Variants in SEC23B observed in about 807,000 individuals in gnomAD.
SEC23B encodes the protein protein transport protein Sec23B.
Under a neutral mutation model 104.3 loss-of-function variants are expected in SEC23B, and 77 were observed. The observed-to-expected ratio is 0.74, with a 90% confidence interval of 0.61 to 0.89. The LOEUF (loss-of-function observed/expected upper bound fraction) is 0.89. SEC23B is among the 40% of genes least tolerant of loss of function. The pLI, the probability that SEC23B is intolerant of heterozygous loss-of-function variation, is 0.00. For synonymous variants in SEC23B, 338 were observed against 332.5 expected (o/e 1.02, Z -0.18); for missense variants, 885 against 949.4 (o/e 0.93, Z 0.89).
Position 18,542,363 on chromosome 20 carries a change from G to A in SEC23B, c.1472G>A (p.Ser491Asn), listed in dbSNP as rs751980373. The A allele has an allele frequency of 5.6e-6, 9 of 1,614,102 alleles. No homozygotes were observed. In the South Asian group the frequency reaches 9.9e-5, roughly 18 times the overall value. The part of the protein sequence containing the change: ...IQFVTHYQHS[S>N]TQRRIRVTTI... ...TTTGTCACGCATTATCAGCACTCCAGCACCCAGAGACGCATCCGCGTGACC... is the reference window on the plus strand; with the variant it reads ...TTTGTCACGCATTATCAGCACTCCAACACCCAGAGACGCATCCGCGTGACC... Residue 491 changes from serine (S) to asparagine (N), a missense_variant, in exon 13 of 20, where the codon AGC becomes AAC. By Grantham distance (46) the Ser-to-Asn change is conservative. Transcript: ENST00000650089.
chr20:18,557,745 C>CTTTTTTTTTT (rs11477198), intron 19 of SEC23B, among the ~76,000 whole-genome samples: 61 of 116,798 alleles, frequency 5.2e-4, no homozygotes, highest in African/African-American at 8.4e-4. Context: ...TTTTTCTTTT[C>CTTTTTTTTTT]TTTTTTTTTT....
intron 10 of SEC23B, 119 bp downstream of exon 10, chr20:18,530,922 C>A: frequency 1.3e-6 from 1 of 742,486 alleles, no homozygotes; most frequent in Non-Finnish European, 2.3e-6. Context: ...GATTATGAGG[C>A]ATGAGCCACT....
chr20:18,537,545 A>G (rs929307674), intron 12 of SEC23B, among the ~76,000 whole-genome samples: 1 of 151,930 alleles, frequency 6.6e-6, no homozygotes, highest in Admixed American at 6.6e-5. Flanking sequence ...TTGAGAACAC[A>G]TGGACACAGG....
In SEC23B at chr20:18,561,182, C is replaced by T. The variant is rs914079944; in HGVS notation, c.*442C>T. On this transcript the variant is annotated 3_prime_UTR_variant, in exon 20 of 20. Coordinates refer to ENST00000650089, the MANE Select transcript of SEC23B (RefSeq NM_006363.6). ...CTTCCTTAAGAGGTGTTTCCTGAAC[C>T]TAATTCTCATAATTAAAGTAATGTA... 5 of 213,838 alleles carry T rather than the reference C, an allele frequency of 2.3e-5. No homozygotes were observed. The highest frequency in any genetic ancestry group is 1.4e-4 in the South Asian group (2 of 14,436). 13.2% of individuals were successfully genotyped at this position (213,838 alleles called of 1,614,324 possible). A position where few individuals can be genotyped will look rare whatever the true frequency, so the allele number is the denominator to read the frequency against.
chr20:18,516,189 T>C (rs1473966050), intron 4 of SEC23B, among the ~76,000 whole-genome samples: 1 of 150,758 alleles, frequency 6.6e-6, no homozygotes, highest in East Asian at 1.9e-4. Context: ...CTAATTGTTC[T>C]CCCTGATGTT....
intron 19 of SEC23B, among the ~76,000 whole-genome samples, chr20:18,560,119 TA>T (rs2060478423): frequency 2.0e-5 from 3 of 151,950 alleles, no homozygotes; most frequent in Admixed American, 6.6e-5. Context: ...TATATATATA[TA>T]TATTTTTAAT....
intron 12 of SEC23B, among the ~76,000 whole-genome samples, chr20:18,541,728 G>A (rs2060289502): frequency 6.6e-6 from 1 of 152,184 alleles, no homozygotes; most frequent in East Asian, 1.9e-4. Flanking sequence ...AAAGATCACT[G>A]ATCACAGATC....
chr20:18,542,540 A>T (rs2122124181), intron 13 of SEC23B, 138 bp downstream of exon 13: 1 of 901,250 alleles, frequency 1.1e-6, no homozygotes, highest in East Asian at 2.6e-5. Context: ...ATTTGATCAG[A>T]GGAGGAGGCA....
Position 18,525,910 on chromosome 20 carries a change from C to A in SEC23B, c.812C>A (p.Ser271Tyr), listed in dbSNP as rs748164368. ...TTGCGATCCACTGGTGTGGCTTTGT[C>A]CATTGCTGTTGGCTTGCTGGAGGTA... ...RPLRSTGVAL[S>Y]IAVGLLEGTF... The change falls in exon 7 of 20, where the codon TCC (serine) becomes TAC (tyrosine). Residue 271 changes from serine (S) to tyrosine (Y), a missense_variant. Transcript: ENST00000650089. The A allele has an allele frequency of 6.2e-7, 1 of 1,614,204 alleles. No individual in the cohort carries two copies. The highest frequency in any genetic ancestry group is 8.5e-7 in the Non-Finnish European group (1 of 1,180,034).
Position 18,510,835 on chromosome 20 carries a change from T to G in SEC23B, c.-1T>G. The G allele has an allele frequency of 3.1e-6, 5 of 1,613,562 alleles. No homozygotes were observed. In the South Asian group the frequency reaches 5.5e-5, roughly 18 times the overall value. On this transcript the variant is annotated 5_prime_UTR_variant, in exon 2 of 20. Transcript: ENST00000650089. ...TTTTATCTTCAGTTCCCTTTTAGAC[T>G]ATGGCGACATACCTGGAGTTCATCC...
intron 3 of SEC23B, 138 bp downstream of exon 3, chr20:18,512,420 A>G (rs1414856571): frequency 1.6e-6 from 1 of 620,094 alleles, no homozygotes; most frequent in Non-Finnish European, 2.9e-6. Flanking sequence ...TTTGTTAAGC[A>G]CAATATTGAA....
intron 10 of SEC23B, 82 bp downstream of exon 10, chr20:18,530,885 T>TA: frequency 8.5e-7 from 1 of 1,170,946 alleles, no homozygotes; most frequent in Non-Finnish European, 1.3e-6. Flanking sequence ...CAGGCAATTT[T>TA]CCCGCCTCAG....
rs186270162 is a variant in SEC23B at position 18,539,120 on chromosome 20, G to A, written c.1405-3176G>A. 1.7e-3 allele frequency among the ~76,000 whole-genome samples: 255 copies of A among 151,824 alleles called. 6 individuals are homozygous for A. In the East Asian group the frequency reaches 0.042, roughly 25 times the overall value. On this transcript the variant is annotated intron_variant, in intron 12 of 19. Transcript: ENST00000650089. ...CCCAGCTACTCAGGAGGCTGAGGCA[G>A]GAGAATTGCTTAAACCAAGTGATGG... is the stretch of plus-strand genomic sequence containing the variant.
rs80176069 is a variant in SEC23B at position 18,556,374 on chromosome 20, A to T, written c.2214+1201A>T. Among the ~76,000 whole-genome samples, 715 of 152,304 alleles carry T rather than the reference A, an allele frequency of 4.7e-3. 4 individuals are homozygous for T. Among genetic ancestry groups the T allele is most frequent in the African/African-American group, 0.017 (686 of 41,554 alleles). ...ATTTGGGGATCCACAGGAGGTCCTA[A>T]AACCATTCCCCCACAGATACTGAGG... On this transcript the variant is annotated intron_variant, in intron 19 of 19. Transcript: ENST00000650089.
intron 3 of SEC23B, 88 bp from the exon 4 acceptor site, chr20:18,515,562 C>T: frequency 1.3e-6 from 1 of 788,918 alleles, no homozygotes; most frequent in Non-Finnish European, 2.2e-6. Flanking sequence ...TTCCTCTCGT[C>T]TTGGCATCAT....
intron 16 of SEC23B, 65 bp downstream of exon 16, chr20:18,548,835 A>G: frequency 6.6e-7 from 1 of 1,517,904 alleles, no homozygotes; most frequent in South Asian, 1.1e-5. Context: ...TTTTTTAAGC[A>G]AATTTACTTA....
intron 12 of SEC23B, among the ~76,000 whole-genome samples, chr20:18,540,417 T>G (rs946978063): frequency 6.6e-6 from 1 of 152,224 alleles, no homozygotes; most frequent in African/African-American, 2.4e-5. Context: ...CAGTGGGCTT[T>G]AAATATTTAG....
At chr20:18,540,327 C>G (rs1337730822) in intron 12 of SEC23B, among the ~76,000 whole-genome samples, 1 of 152,194 alleles carries the variant, frequency 6.6e-6, no homozygotes, top group Non-Finnish European at 1.5e-5. Flanking sequence ...TCCGTCAGAG[C>G]TCTTGAGTGA....
At chr20:18,548,203 G>A (rs561091781) in intron 15 of SEC23B, among the ~76,000 whole-genome samples, 40 of 152,134 alleles carry the variant, frequency 2.6e-4, no homozygotes, top group African/African-American at 7.7e-4. Flanking sequence ...CGCCCGCCTC[G>A]GCCTCCCAAA....
Sources: allele counts gnomAD v4.1 joint callset (sites outside exome capture counted in the v4.1 genomes callset), GRCh38; gene constraint gnomAD v4.1.1; transcripts MANE v1.5; gene names NCBI Gene and HGNC (gene_info 2026-07-23, HGNC 2026-07-21).